RASA1: variants seen among roughly 807,000 people sequenced by gnomAD.
The protein encoded by RASA1 is ras GTPase-activating protein 1.
RASA1 carries 25 observed loss-of-function variants against 132.2 expected under a neutral mutation model. The observed-to-expected ratio is 0.19, with a 90% CI of 0.14 to 0.26. The LOEUF is 0.26. Among genes scored for constraint, RASA1 ranks in the 10% least tolerant of loss-of-function variants. RASA1 has a pLI of 1.00. For synonymous variants in RASA1, 477 were observed against 449.9 expected (o/e 1.06, Z -0.76); for missense variants, 964 against 1,299.2 (o/e 0.74, Z 3.97).
intron 23 of RASA1, among the ~76,000 whole-genome samples, chr5:87,387,414 T>G (rs1194367314): frequency 6.6e-6 from 1 of 152,188 alleles, no homozygotes; most frequent in Non-Finnish European, 1.5e-5. Context: ...AAATTGTGAT[T>G]ACAAAATTAC....
At chr5:87,278,435 A>C (rs1223437620) in intron 1 of RASA1, among the ~76,000 whole-genome samples, 1 of 151,250 alleles carries the variant, frequency 6.6e-6, no homozygotes, top group East Asian at 1.9e-4. Context: ...GGTGCCTGCT[A>C]CTCGGGAGGC....
chr5:87,295,940 T>C (rs7721098), intron 1 of RASA1, among the ~76,000 whole-genome samples: 10,635 of 151,848 alleles, frequency 0.07, 838 homozygotes, highest in African/African-American at 0.2. Flanking sequence ...CCTCAGCCTC[T>C]GGGGTAGCTG....
chr5:87,384,129 C>CA (rs1283162013), intron 21 of RASA1, among the ~76,000 whole-genome samples: 1 of 152,120 alleles, frequency 6.6e-6, no homozygotes, highest in African/African-American at 2.4e-5. Flanking sequence ...CATTGCTAGA[C>CA]TGCTGCCAGC....
intron 1 of RASA1, among the ~76,000 whole-genome samples, chr5:87,323,131 TA>T (rs1307674297): frequency 6.6e-6 from 1 of 152,144 alleles, no homozygotes; most frequent in African/African-American, 2.4e-5. Flanking sequence ...TGTGAATAAA[TA>T]CAGAAATGGA....
At chr5:87,345,403 G>A (rs1758788907) in intron 6 of RASA1, among the ~76,000 whole-genome samples, 1 of 151,968 alleles carries the variant, frequency 6.6e-6, no homozygotes, top group East Asian at 1.9e-4. Context: ...TAGCCTTGGA[G>A]GTCAGGTCAT....
intron 5 of RASA1, among the ~76,000 whole-genome samples, chr5:87,338,522 TATATATATATAAAA>T (rs1349973123): frequency 1.9e-4 from 19 of 101,420 alleles, no homozygotes; most frequent in East Asian, 1.2e-3. Flanking sequence ...TATATATATA[TATATATATATAAAA>T]TTTTTTTTTT....
rs367991324 is a variant in RASA1 at position 87,349,320 on chromosome 5, A to G, written c.1209A>G (p.Pro403=). The G allele has an allele frequency of 2.0e-5, 33 of 1,612,092 alleles. No homozygotes were observed. In the African/African-American group the frequency reaches 4.1e-4, roughly 20 times the overall value. ...NENIQRFKIC[P]TPNNQFMMGG... is the part of the protein sequence containing the mutation. ...ATATTCAGCGATTTAAAATATGTCC[A>G]ACGCCAAACAATCAGTTTATGATGG... The change falls in exon 8 of 25, where the codon CCA becomes CCG. Residue 403 remains proline, a synonymous_variant. Transcript: ENST00000274376.
chr5:87,292,877 C>T (rs573372887), intron 1 of RASA1, among the ~76,000 whole-genome samples: 185 of 152,028 alleles, frequency 1.2e-3, no homozygotes, highest in African/African-American at 4.3e-3. Flanking sequence ...TAGAATTATA[C>T]CTAAGTATTT....
At position 87,349,237 on chromosome 5, in the gene RASA1, G is replaced by A. The variant is rs749102561; in HGVS notation, c.1126G>A (p.Val376Met). Residue 376 changes from valine (V) to methionine (M), a missense_variant, in exon 8 of 25, where the codon GTG becomes ATG. This residue lies in a region of RASA1 where 154 missense variants were observed against 286.5 expected (regional missense o/e 0.54). Transcript: ENST00000274376. Reference protein sequence around the residue: ...MTVGQVCSFLVRPSDNTPGDY... With the variant: ...MTVGQVCSFLMRPSDNTPGDY... ...AGTTGGTCAAGTCTGCAGTTTTCTT[G>A]TGAGGCCCTCAGATAATACTCCTGG... 3.7e-6 allele frequency: 6 copies of A among 1,611,916 alleles called. No individual in the cohort carries two copies. The highest frequency in any genetic ancestry group is 2.2e-5 in the East Asian group (1 of 44,748).
intron 1 of RASA1, among the ~76,000 whole-genome samples, chr5:87,319,798 C>T (rs1034800119): frequency 9.9e-5 from 15 of 152,206 alleles, no homozygotes; most frequent in African/African-American, 3.6e-4. Flanking sequence ...TAAATTTCTA[C>T]CACTGGCTTG....
In RASA1 at chr5:87,306,953, G is replaced by A. The variant is rs551188806; in HGVS notation, c.540-24395G>A. ...AGCTTACTGCATACTTGAACTCCTG[G>A]GCTCAAGCAGTCCTCTTGCCTCAGC... On this transcript the variant is annotated intron_variant, in intron 1 of 24. Coordinates refer to ENST00000274376, the MANE Select transcript of RASA1 (RefSeq NM_002890.3). 1.1e-3 allele frequency among the ~76,000 whole-genome samples: 164 copies of A among 152,168 alleles called. 1 individual carries two copies. The South Asian group carries it at 0.018, about 17-fold the overall frequency.
rs532010546 is a variant in RASA1, at chr5:87,342,037, T to C, written c.1049+716T>C. On this transcript the variant is annotated intron_variant, in intron 6 of 24. Transcript: ENST00000274376. ...ATATGTAAGATATATTCTGAGTTCA[T>C]TTTTATTGTTTCTTGTAGCTACAAA... is the stretch of plus-strand genomic sequence containing the variant. Among the ~76,000 whole-genome samples the C allele has an allele frequency of 3.3e-5, 5 of 152,318 alleles. No homozygotes were observed. The East Asian group carries it at 9.6e-4, about 29-fold the overall frequency.
At position 87,269,293 on chromosome 5, in the gene RASA1, G is replaced by A. The variant is rs1332463787; in HGVS notation, c.539+303G>A. The A allele has an allele frequency of 2.6e-6, 4 of 1,536,156 alleles. No homozygotes were observed. In the Admixed American group the frequency reaches 7.8e-5, roughly 30 times the overall value. On this transcript the variant is annotated intron_variant, in intron 1 of 24. Coordinates refer to ENST00000274376, the MANE Select transcript of RASA1 (RefSeq NM_002890.3). ...TCTGTCCCTTCCAAGTTGAGGTGGT[G>A]TCCCAGAATTTAGTCAAACTGCGGC...
chr5:87,316,859 A>G (rs1315819444), intron 1 of RASA1, among the ~76,000 whole-genome samples: 1 of 151,514 alleles, frequency 6.6e-6, no homozygotes, highest in Non-Finnish European at 1.5e-5. Flanking sequence ...GGGAAAAGTC[A>G]CCTGACTCTG....
intron 21 of RASA1, among the ~76,000 whole-genome samples, chr5:87,384,101 G>C (rs1360147508): frequency 3.4e-4 from 52 of 151,988 alleles, no homozygotes; most frequent in Middle Eastern, 3.2e-3. Context: ...TTCAAGTTGG[G>C]AAGAGCTTTG....
At position 87,391,221 on chromosome 5, in the gene RASA1, C is replaced by CA; in HGVS notation, c.*341dup. The CA allele has an allele frequency of 2.3e-6, 1 of 434,572 alleles. No individual in the cohort carries two copies. Among genetic ancestry groups the CA allele is most frequent in the Non-Finnish European group, 4.2e-6 (1 of 236,020 alleles). 26.9% of individuals were successfully genotyped at this position (434,572 alleles called of 1,614,324 possible). ...ATATATTTTCAGTACACCCAGTTGC[C>CA]AAAGTTTTGCTGTCTCTTAGAGAAA... On this transcript the variant is annotated 3_prime_UTR_variant, in exon 25 of 25. Transcript: ENST00000274376.
intron 1 of RASA1, among the ~76,000 whole-genome samples, chr5:87,271,872 G>A (rs560169838): frequency 4.6e-5 from 7 of 152,104 alleles, no homozygotes; most frequent in African/African-American, 1.7e-4. Context: ...AACACGATTG[G>A]GCTGGGGGTG....
At chr5:87,304,939 C>CTTT (rs756572506) in intron 1 of RASA1, among the ~76,000 whole-genome samples, 38 of 64,390 alleles carry the variant, frequency 5.9e-4, no homozygotes, top group Non-Finnish European at 9.5e-4. Context: ...TCTTTTAGTC[C>CTTT]TTTTTTTTTT....
chr5:87,275,835 T>C (rs1754040157), intron 1 of RASA1, among the ~76,000 whole-genome samples: 1 of 152,200 alleles, frequency 6.6e-6, no homozygotes, highest in South Asian at 2.1e-4. Flanking sequence ...CCCAAAGTGC[T>C]GCGATTACAG....
Sources: allele counts gnomAD v4.1 joint callset (sites outside exome capture counted in the v4.1 genomes callset), GRCh38; gene constraint gnomAD v4.1.1; regional missense constraint gnomAD v4.1.1; transcripts MANE v1.5; gene names NCBI Gene and HGNC (gene_info 2026-07-23, HGNC 2026-07-21).